Variants in FARP1 observed in about 807,000 individuals in gnomAD.
FARP1 encodes FERM, ARH/RhoGEF and pleckstrin domain protein 1.
A neutral mutation model predicts 128.8 loss-of-function variants in FARP1; 52 were observed. That is an observed-to-expected ratio of 0.40 (90% CI 0.32 to 0.51). The LOEUF is 0.51. FARP1 is among the 20% of genes least tolerant of loss of function. FARP1 has a pLI of 0.45. For synonymous variants in FARP1, 580 were observed against 551.8 expected (o/e 1.05, Z -0.72); for missense variants, 1,333 against 1,367.9 (o/e 0.97, Z 0.40).
intron 2 of FARP1, among the ~76,000 whole-genome samples, chr13:98,219,508 T>G (rs1460808151): frequency 1.3e-5 from 2 of 151,842 alleles, no homozygotes; most frequent in African/African-American, 4.8e-5. Context: ...GCTAATTTAT[T>G]TTTATTTTTA....
At chr13:98,373,523 CAGACAG>C (rs1214682451) in intron 5 of FARP1, among the ~76,000 whole-genome samples, 2 of 119,526 alleles carry the variant, frequency 1.7e-5, no homozygotes, top group African/African-American at 7.5e-5. Flanking sequence ...TTTCCAGAGA[CAGACAG>C]ACAGACACAC....
At chr13:98,418,241 A>G (rs1231407555) in intron 16 of FARP1, among the ~76,000 whole-genome samples, 1 of 150,894 alleles carries the variant, frequency 6.6e-6, no homozygotes, top group African/African-American at 2.4e-5. Context: ...CATGAGTAAA[A>G]TTACATGTTT....
intron 3 of FARP1, among the ~76,000 whole-genome samples, chr13:98,346,732 G>A (rs891403356): frequency 1.3e-5 from 2 of 152,082 alleles, no homozygotes; most frequent in Non-Finnish European, 2.9e-5. Context: ...GTGACAGAGT[G>A]AGATTCCATC....
intron 2 of FARP1, 61 bp from the exon 3 acceptor site, chr13:98,343,701 G>C: frequency 3.5e-6 from 4 of 1,146,780 alleles, no homozygotes; most frequent in Non-Finnish European, 5.3e-6. Flanking sequence ...GCAGCGAGGA[G>C]CTGTGGTTTG....
At chr13:98,160,126 C>T (rs562645097) in intron 1 of FARP1, among the ~76,000 whole-genome samples, 1 of 152,296 alleles carries the variant, frequency 6.6e-6, no homozygotes, top group South Asian at 2.1e-4. Context: ...AGCCCAGGTC[C>T]AGTGAAAGCC....
intron 3 of FARP1, among the ~76,000 whole-genome samples, chr13:98,354,161 C>T (rs1449963928): frequency 6.6e-6 from 1 of 152,208 alleles, no homozygotes; most frequent in Non-Finnish European, 1.5e-5. Flanking sequence ...CCAACTCCTA[C>T]TTAATGAGTT....
intron 2 of FARP1, among the ~76,000 whole-genome samples, chr13:98,297,319 A>T (rs1885739818): frequency 6.6e-6 from 1 of 152,192 alleles, no homozygotes; most frequent in African/African-American, 2.4e-5. Context: ...TATTATGTGG[A>T]CTTACCTCTC....
chr13:98,309,908 G>A (rs557192900), intron 2 of FARP1, among the ~76,000 whole-genome samples: 1 of 152,106 alleles, frequency 6.6e-6, no homozygotes, highest in African/African-American at 2.4e-5. Context: ...AATATATTCC[G>A]CATCTGTAAT....
chr13:98,345,964 A>G (rs1004243916), intron 3 of FARP1, among the ~76,000 whole-genome samples: 2 of 152,152 alleles, frequency 1.3e-5, no homozygotes, highest in African/African-American at 4.8e-5. Flanking sequence ...ATAGTGTTTC[A>G]TTTATTCCTG....
intron 2 of FARP1, among the ~76,000 whole-genome samples, chr13:98,295,088 C>T (rs970954390): frequency 3.6e-5 from 3 of 84,492 alleles, no homozygotes; most frequent in African/African-American, 1.3e-4. Context: ...CACACACACA[C>T]ACACACACAC....
At chr13:98,349,760 G>A (rs909319384) in intron 3 of FARP1, among the ~76,000 whole-genome samples, 2 of 148,616 alleles carry the variant, frequency 1.3e-5, no homozygotes, top group Non-Finnish European at 3.0e-5. Context: ...AAATACTGTC[G>A]AAGCTCCAGG....
At chr13:98,243,797 A>G (rs1882915142) in intron 2 of FARP1, among the ~76,000 whole-genome samples, 1 of 151,778 alleles carries the variant, frequency 6.6e-6, no homozygotes. Context: ...AGTATTGACT[A>G]TCAGTTATTT....
intron 5 of FARP1, among the ~76,000 whole-genome samples, 189 bp from the exon 6 acceptor site, chr13:98,377,632 G>A (rs533076504): frequency 2.6e-5 from 4 of 152,162 alleles, no homozygotes; most frequent in Non-Finnish European, 5.9e-5. Context: ...AAAGATGATA[G>A]CATACATCTC....
Position 98,453,135 on chromosome 13 carries a change from A to G in FARP1, c.*4818A>G. ...TAAAAAAGGAGGAGGATGAAGAAGG[A>G]AAAAAGGAAAAACAAAACCCCAAAT... is the stretch of plus-strand genomic sequence containing the variant. On this transcript the variant is annotated 3_prime_UTR_variant, in exon 27 of 27. Transcript: ENST00000319562. The G allele has an allele frequency of 6.2e-7, 1 of 1,611,036 alleles. No homozygotes were observed. Among genetic ancestry groups the G allele is most frequent in the Non-Finnish European group, 8.5e-7 (1 of 1,178,012 alleles).
At chr13:98,214,226 T>C (rs899033608) in intron 2 of FARP1, among the ~76,000 whole-genome samples, 4 of 152,218 alleles carry the variant, frequency 2.6e-5, no homozygotes, top group African/African-American at 9.6e-5. Flanking sequence ...TGCCGCCTGC[T>C]TCGTGCAGCT....
chr13:98,258,739 C>T (rs1883733616), intron 2 of FARP1, among the ~76,000 whole-genome samples: 1 of 152,018 alleles, frequency 6.6e-6, no homozygotes, highest in South Asian at 2.1e-4. Context: ...TTTTCTGAGG[C>T]TCTTTCATCC....
chr13:98,437,977 G>A, intron 19 of FARP1: 1 of 884,362 alleles, frequency 1.1e-6, no homozygotes, highest in Non-Finnish European at 1.8e-6. Context: ...GAATGGGAAG[G>A]TGGGATCGGA....
At chr13:98,364,157 T>C (rs1176065020) in intron 3 of FARP1, among the ~76,000 whole-genome samples, 1 of 152,242 alleles carries the variant, frequency 6.6e-6, no homozygotes, top group African/African-American at 2.4e-5. Flanking sequence ...TTAGTATTCC[T>C]TGTGTGTGCA....
intron 12 of FARP1, among the ~76,000 whole-genome samples, chr13:98,394,779 A>AT: frequency 6.6e-6 from 1 of 151,754 alleles, no homozygotes; most frequent in East Asian, 1.9e-4. Context: ...TACAAAAAAA[A>AT]TTTTTTTAAT....
Sources: gnomAD v4.1 joint callset for allele counts (sites outside exome capture counted in the v4.1 genomes callset) on GRCh38, gnomAD v4.1.1 for gene constraint, MANE v1.5 for transcripts, NCBI Gene and HGNC (gene_info 2026-07-23, HGNC 2026-07-21) for gene names.